The following RIN3 variants were observed in gnomAD, a reference collection of about 807,000 sequenced individuals.
The protein encoded by RIN3 is Ras and Rab interactor 3.
Under a neutral mutation model 76.3 loss-of-function variants are expected in RIN3, and 54 were observed. That is an observed-to-expected ratio of 0.71 (90% CI 0.57 to 0.89). RIN3 has a LOEUF of 0.89. Ranked by LOEUF, RIN3 falls within the 40% of genes least tolerant of loss-of-function variation. RIN3 has a pLI of 0.00. For synonymous variants in RIN3, 576 were observed against 564.0 expected (o/e 1.02, Z -0.30); for missense variants, 1,256 against 1,322.1 (o/e 0.95, Z 0.78).
intron 1 of RIN3, among the ~76,000 whole-genome samples, chr14:92,534,893 C>T (rs915731518): frequency 1.3e-5 from 2 of 152,160 alleles, no homozygotes; most frequent in African/African-American, 4.8e-5. Context: ...TTATAATACA[C>T]ATTTATTGTA....
chr14:92,627,553 A>G (rs958644993), intron 4 of RIN3, among the ~76,000 whole-genome samples: 1 of 152,122 alleles, frequency 6.6e-6, no homozygotes, highest in African/African-American at 2.4e-5. Context: ...TATCCCGACC[A>G]CCAATGAAAT....
At chr14:92,657,619 C>T (rs902906811) in intron 6 of RIN3, among the ~76,000 whole-genome samples, 3 of 152,094 alleles carry the variant, frequency 2.0e-5, no homozygotes, top group Non-Finnish European at 2.9e-5. Flanking sequence ...GAGACATGGC[C>T]GAGGTCATGC....
At chr14:92,543,826 C>G (rs1249584501) in intron 1 of RIN3, among the ~76,000 whole-genome samples, 2 of 151,962 alleles carry the variant, frequency 1.3e-5, no homozygotes, top group East Asian at 3.9e-4. Flanking sequence ...TTTACTTATT[C>G]ATTGTCCTAG....
At chr14:92,684,068 A>G (rs1888757193) in intron 8 of RIN3, among the ~76,000 whole-genome samples, 1 of 152,208 alleles carries the variant, frequency 6.6e-6, no homozygotes, top group African/African-American at 2.4e-5. Flanking sequence ...CAAAAAGCCT[A>G]TTGTGTGTGT....
chr14:92,528,969 G>A (rs1382291117), intron 1 of RIN3, among the ~76,000 whole-genome samples: 1 of 152,174 alleles, frequency 6.6e-6, no homozygotes, highest in Non-Finnish European at 1.5e-5. Flanking sequence ...TGGCCCAGCA[G>A]CCTCTGAGCT....
intron 9 of RIN3, chr14:92,687,100 A>T (rs879681259): frequency 2.0e-5 from 3 of 152,306 alleles, no homozygotes; most frequent in Non-Finnish European, 2.9e-5. Context: ...CTCTGCCTGC[A>T]GCCCTGAGCC....
chr14:92,645,080 G>A (rs1887151175), intron 5 of RIN3: 1 of 152,266 alleles, frequency 6.6e-6, no homozygotes, highest in Non-Finnish European at 1.5e-5. Context: ...ACACGTGCCA[G>A]CCCCTTGCTC....
chr14:92,654,724 G>GC (rs1361549280), intron 6 of RIN3, among the ~76,000 whole-genome samples: 1 of 152,212 alleles, frequency 6.6e-6, no homozygotes, highest in African/African-American at 2.4e-5. Context: ...TCTGCACAGG[G>GC]CCCTGTAAGC....
chr14:92,666,035 C>CCTACCTCCACCACTGACCTA (rs1566895768), intron 7 of RIN3, among the ~76,000 whole-genome samples: 6 of 145,486 alleles, frequency 4.1e-5, no homozygotes, highest in African/African-American at 1.7e-4. Flanking sequence ...CCGAGTCCCG[C>CCTACCTCCACCACTGACCTA]CTACCTCCAC....
intron 2 of RIN3, among the ~76,000 whole-genome samples, chr14:92,571,624 C>T (rs1219346459): frequency 5.9e-5 from 9 of 152,278 alleles, no homozygotes; most frequent in Admixed American, 2.0e-4. Context: ...GCAGACTCCA[C>T]GGGCTGCTCC....
At chr14:92,645,336 A>G (rs1041132804) in intron 5 of RIN3, 3 of 152,240 alleles carry the variant, frequency 2.0e-5, no homozygotes, top group Non-Finnish European at 4.4e-5. Flanking sequence ...ATGCCCACAC[A>G]TACATTATCT....
rs930618429 is a variant in RIN3, at chr14:92,623,051, C to A, written c.440+7572C>A. Among the ~76,000 whole-genome samples, 1 of 152,208 alleles carries A rather than the reference C, an allele frequency of 6.6e-6. No homozygotes were observed. The highest frequency in any genetic ancestry group is 2.4e-5 in the African/African-American group (1 of 41,456). ...ACGAATGCAGGGCATGATGCAGCAT[C>A]CAACAAGAATAAGCACAGCTATTGC... On this transcript the variant is annotated intron_variant, in intron 4 of 9. Transcript: ENST00000216487. The surrounding 1 kb of genome is among the most constrained non-coding windows in gnomAD (Gnocchi z 4.9).
intron 2 of RIN3, among the ~76,000 whole-genome samples, chr14:92,565,149 G>A (rs963960622): frequency 1.8e-4 from 28 of 152,234 alleles, no homozygotes; most frequent in African/African-American, 6.0e-4. Context: ...TCGAGGTTGA[G>A]CTCTGAAGTC....
rs776975669 is a variant in RIN3, at chr14:92,641,249, C to T, written c.452C>T (p.Pro151Leu). The change falls in exon 5 of 10, where the codon CCC becomes CTC. Residue 151 changes from proline (P) to leucine (L), a missense_variant. Around this residue, in one of 3 missense-constraint regions of RIN3, gnomAD observed 610 missense variants for 626.4 expected, o/e 0.97. Coordinates refer to ENST00000216487, the MANE Select transcript of RIN3 (RefSeq NM_024832.5). ...AFYCVSRDLLPFTLRLPQAIL... is the reference protein window; with the variant it reads ...AFYCVSRDLLLFTLRLPQAIL... ...TCGTGTCTTCACAGAGACTTACTGC[C>T]CTTCACACTGCGGCTACCCCAGGCC... is the stretch of plus-strand genomic sequence containing the variant. 1 of 1,613,798 alleles carries T rather than the reference C, an allele frequency of 6.2e-7. No homozygotes were observed. The highest frequency in any genetic ancestry group is 8.5e-7 in the Non-Finnish European group (1 of 1,179,652).
intron 1 of RIN3, 45 bp from the exon 2 acceptor site, chr14:92,555,706 C>T: frequency 6.3e-7 from 1 of 1,597,070 alleles, no homozygotes; most frequent in Non-Finnish European, 8.6e-7. Context: ...TAAACCTTCT[C>T]TGGGCTGGCT....
intron 3 of RIN3, among the ~76,000 whole-genome samples, chr14:92,579,515 C>A (rs879619542): frequency 3.3e-5 from 5 of 152,224 alleles, no homozygotes; most frequent in Non-Finnish European, 5.9e-5. Flanking sequence ...TATGTGTATA[C>A]ATGCCAGGCA....
At chr14:92,679,984 T>A (rs1888606100) in intron 8 of RIN3, among the ~76,000 whole-genome samples, 1 of 152,132 alleles carries the variant, frequency 6.6e-6, no homozygotes, top group African/African-American at 2.4e-5. Context: ...CAGTGGTGGC[T>A]TGGTGTTAGT....
Position 92,658,514 on chromosome 14 carries a change from A to T in RIN3, c.2027-647A>T, listed in dbSNP as rs143629491. Among the ~76,000 whole-genome samples, 708 of 152,274 alleles carry T rather than the reference A, an allele frequency of 4.6e-3. 7 individuals are homozygous for T. Among genetic ancestry groups the T allele is most frequent in the African/African-American group, 0.015 (617 of 41,544 alleles). On this transcript the variant is annotated intron_variant, in intron 6 of 9. Transcript: ENST00000216487. ...AGATGGGGGCCGTTGGAGGTTTCCA[A>T]ACAGAAGCATGTTACGATCAAAGAT...
intron 7 of RIN3, 97 bp from the exon 8 acceptor site, chr14:92,676,378 T>A: frequency 7.1e-7 from 1 of 1,405,444 alleles, no homozygotes; most frequent in Non-Finnish European, 9.9e-7. Context: ...GGGATCGCCA[T>A]CCACACTCAG....
Sources: gnomAD v4.1 joint callset for allele counts (sites outside exome capture counted in the v4.1 genomes callset) on GRCh38, gnomAD v4.1.1 for gene constraint, gnomAD v4.1.1 regional missense constraint, Gnocchi (gnomAD v3.1) non-coding constraint, MANE v1.5 for transcripts, NCBI Gene and HGNC (gene_info 2026-07-23, HGNC 2026-07-21) for gene names.